SPATA7: variants seen among roughly 807,000 people sequenced by gnomAD.
The protein encoded by SPATA7 is spermatogenesis-associated protein 7.
A neutral mutation model predicts 51.8 loss-of-function variants in SPATA7; 43 were observed. The observed-to-expected ratio is 0.83, with a 90% CI of 0.65 to 1.07. SPATA7 has a LOEUF of 1.07. Ranked by LOEUF, SPATA7 falls within the 50% of genes least tolerant of loss-of-function variation. SPATA7 has a pLI of 0.00. For missense variants in SPATA7, 683 were observed against 701.3 expected (o/e 0.97, Z 0.30); for synonymous variants, 230 against 252.8 (o/e 0.91, Z 0.86).
At chr14:88,439,131 GT>G (rs1304498997), downstream of SPATA7, among the ~76,000 whole-genome samples, 2 of 152,178 alleles carry the variant, frequency 1.3e-5, no homozygotes, top group African/African-American at 4.8e-5. Context: ...GACATAAGCG[GT>G]TTTGTAGGCT....
intron 4 of SPATA7, among the ~76,000 whole-genome samples, chr14:88,464,877 A>G (rs1223341543): frequency 6.6e-6 from 1 of 152,224 alleles, no homozygotes; most frequent in South Asian, 2.1e-4. Flanking sequence ...TTTTCTTAAT[A>G]TTGTGAACAT....
At chr14:88,394,340 C>T (rs1044893904) in intron 3 of SPATA7, among the ~76,000 whole-genome samples, 1 of 152,178 alleles carries the variant, frequency 6.6e-6, no homozygotes, top group Non-Finnish European at 1.5e-5. Context: ...TGACAAATCC[C>T]TGGCAACCAC....
At chr14:88,421,298 T>C (rs2139978473) in intron 5 of SPATA7, among the ~76,000 whole-genome samples, 1 of 152,148 alleles carries the variant, frequency 6.6e-6, no homozygotes, top group South Asian at 2.1e-4. Flanking sequence ...GGAGTAGCCA[T>C]TGAGAGAATC....
chr14:88,454,981 T>A (rs1595316872), intron 3 of SPATA7: 4 of 427,830 alleles, frequency 9.3e-6, no homozygotes, highest in Admixed American at 2.8e-5. Flanking sequence ...CTAAAGTGAT[T>A]TCTGGGCCCC....
chr14:88,469,598 T>C lies in SPATA7; in HGVS notation c.255-249T>C. On this transcript the variant is annotated intron_variant, in intron 4 of 4. Coordinates refer to the SPATA7 transcript ENST00000556406. This position sits in a 1 kb window ranked among gnomAD's most constrained non-coding sequence, Gnocchi z 4.3. Reference sequence around the variant, plus strand: ...TCTTGCCCAGTAAGGAGGTGCTTCATCTTCAGGCCTGTGGTGGCATAGCAG... The same window carrying C: ...TCTTGCCCAGTAAGGAGGTGCTTCACCTTCAGGCCTGTGGTGGCATAGCAG... The C allele has an allele frequency of 6.2e-7, 1 of 1,614,156 alleles. No homozygotes were observed. Among genetic ancestry groups the C allele is most frequent in the African/African-American group, 1.3e-5 (1 of 75,020 alleles).
rs561879807 is a variant in SPATA7 at position 88,393,159 on chromosome 14, C to T, written c.95-234C>T. Among the ~76,000 whole-genome samples, 18 of 152,066 alleles carry T rather than the reference C, an allele frequency of 1.2e-4. No homozygotes were observed. In the South Asian group the frequency reaches 2.9e-3, roughly 25 times the overall value. On this transcript the variant is annotated intron_variant, in intron 2 of 11. Transcript: ENST00000393545. ...CAGATCATATCCTAGAATCTCTTCC[C>T]CAGAGTCTCAGGCTTGTAAAATTTT... is the stretch of plus-strand genomic sequence containing the variant.
rs1466707684 is a variant in SPATA7, at chr14:88,426,581, C to T, written c.722C>T (p.Thr241Ile). The change falls in exon 6 of 12, where the codon ACT becomes ATT. Residue 241 changes from threonine to isoleucine, a missense_variant. Thr to Ile is a moderately conservative substitution (Grantham distance 89). Transcript: ENST00000393545. ...ELFSNKQLPF[T>I]PRTLKTEAKS... ...TTTTCTAACAAACAATTGCCATTCA[C>T]TCCTCGCACTTTAAAAACAGAAGCA... is the stretch of plus-strand genomic sequence containing the variant. The T allele has an allele frequency of 6.2e-7, 1 of 1,614,138 alleles. No individual in the cohort carries two copies.
intron 3 of SPATA7, 121 bp downstream of exon 3, chr14:88,393,609 T>C (rs1350409324): frequency 1.1e-5 from 9 of 809,538 alleles, no homozygotes; most frequent in Non-Finnish European, 1.6e-5. Context: ...TGTATTTGTT[T>C]GGTTTAGTGT....
intron 2 of SPATA7, chr14:88,391,702 G>A (rs1434714159): frequency 1.8e-5 from 10 of 552,154 alleles, no homozygotes; most frequent in Non-Finnish European, 3.0e-5. Flanking sequence ...CAGCAGCCCA[G>A]CTCTACTTTT....
At chr14:88,436,542 G>C (rs141503189) in intron 10 of SPATA7, among the ~76,000 whole-genome samples, 5 of 152,160 alleles carry the variant, frequency 3.3e-5, no homozygotes, top group Middle Eastern at 6.8e-3. Flanking sequence ...TCATTTAGTA[G>C]TTCCATAGTT....
chr14:88,444,255 T>G (rs1462251101), intron 3 of SPATA7, among the ~76,000 whole-genome samples: 1 of 152,210 alleles, frequency 6.6e-6, no homozygotes, highest in Non-Finnish European at 1.5e-5. Context: ...CAGTTTTTCA[T>G]GTGTTTTTTG....
At chr14:88,465,954 T>C (rs1000334485) in intron 4 of SPATA7, 2 of 150,798 alleles carry the variant, frequency 1.3e-5, no homozygotes, top group Non-Finnish European at 2.9e-5. Flanking sequence ...GGAACACAAA[T>C]AGACCACATA....
chr14:88,468,095 TA>T, intron 4 of SPATA7: 1 of 1,608,862 alleles, frequency 6.2e-7, no homozygotes. Flanking sequence ...TTTTAAGCTG[TA>T]AACGCTTCAC....
chr14:88,399,656 T>C (rs1232909521), intron 4 of SPATA7, among the ~76,000 whole-genome samples: 1 of 152,228 alleles, frequency 6.6e-6, no homozygotes, highest in Non-Finnish European at 1.5e-5. Flanking sequence ...TTACATGCTT[T>C]AAATATCTGG....
At chr14:88,397,249 A>G (rs1358108506) in intron 4 of SPATA7, among the ~76,000 whole-genome samples, 1 of 152,206 alleles carries the variant, frequency 6.6e-6, no homozygotes, top group Non-Finnish European at 1.5e-5. Context: ...ATGCTCAAGT[A>G]TTCAGATTTC....
chr14:88,431,917 G>T (rs1329003630), intron 9 of SPATA7, among the ~76,000 whole-genome samples: 6 of 152,062 alleles, frequency 3.9e-5, no homozygotes, highest in Non-Finnish European at 7.4e-5. Context: ...TACTAAATTT[G>T]AGAAACTGAC....
intron 1 of SPATA7, 137 bp downstream of exon 1, chr14:88,385,974 C>T (rs1566741376): frequency 6.5e-7 from 1 of 1,526,756 alleles, no homozygotes; most frequent in East Asian, 2.5e-5. Context: ...CCAGTGTTGC[C>T]TGGAGCTGCC....
intron 5 of SPATA7, among the ~76,000 whole-genome samples, chr14:88,420,170 T>C (rs2076602083): frequency 6.6e-6 from 1 of 152,150 alleles, no homozygotes; most frequent in Non-Finnish European, 1.5e-5. Flanking sequence ...GGAAAGGGAT[T>C]CTCTCTACTC....
rs543532888 is a variant in SPATA7, at chr14:88,437,475, C to T, written c.1161-68C>T. On this transcript the variant is annotated intron_variant, in intron 10 of 11. Coordinates refer to ENST00000393545, the MANE Select transcript of SPATA7 (RefSeq NM_018418.5). Reference sequence around the variant, plus strand: ...TTCAACCTTTGTAGTTTCAGTGTTACGTAGCTAGTTTATATTTAGATGATT... The same window carrying T: ...TTCAACCTTTGTAGTTTCAGTGTTATGTAGCTAGTTTATATTTAGATGATT... The T allele has an allele frequency of 2.1e-5, 23 of 1,102,938 alleles. No homozygotes were observed. In the East Asian group the frequency reaches 2.8e-4, roughly 14 times the overall value. 68.3% of individuals were successfully genotyped at this position (1,102,938 alleles called of 1,614,324 possible). A position where few individuals can be genotyped will look rare whatever the true frequency, so the allele number is the denominator to read the frequency against.
Sources: allele counts gnomAD v4.1 joint callset (sites outside exome capture counted in the v4.1 genomes callset), GRCh38; gene constraint gnomAD v4.1.1; non-coding constraint Gnocchi (gnomAD v3.1); transcripts MANE v1.5; gene names NCBI Gene and HGNC (gene_info 2026-07-23, HGNC 2026-07-21).